NXPH1: variants seen among roughly 807,000 people sequenced by gnomAD.
NXPH1 encodes neurexophilin-1.
Under a neutral mutation model 23.7 loss-of-function variants are expected in NXPH1, and 5 were observed. That is an observed-to-expected ratio of 0.21 (90% confidence interval 0.11 to 0.44). The LOEUF is 0.44. Among genes scored for constraint, NXPH1 ranks in the 20% least tolerant of loss-of-function variants. The pLI, the probability that NXPH1 is intolerant of heterozygous loss-of-function variation, is 0.99. For missense variants in NXPH1, 324 were observed against 321.6 expected (o/e 1.01, Z -0.06); for synonymous variants, 144 against 122.2 (o/e 1.18, Z -1.18).
intron 2 of NXPH1, among the ~76,000 whole-genome samples, chr7:8,667,210 G>T (rs1011944234): frequency 5.9e-5 from 9 of 151,948 alleles, no homozygotes; most frequent in African/African-American, 2.2e-4. Flanking sequence ...ACAAGGATAT[G>T]TGATAATTAG....
intron 2 of NXPH1, among the ~76,000 whole-genome samples, chr7:8,485,406 G>A (rs185271612): frequency 2.6e-5 from 4 of 152,186 alleles, no homozygotes; most frequent in East Asian, 3.9e-4. Context: ...ACACCAAGCC[G>A]AAAACTGAAG....
Position 8,678,928 on chromosome 7 carries a change from A to ATTTTTTTTTTTTTTTTTT in NXPH1, c.55-72062_55-72045dup, listed in dbSNP as rs540056222. Among the ~76,000 whole-genome samples, 427 of 68,804 alleles carry ATTTTTTTTTTTTTTTTTT rather than the reference A, an allele frequency of 6.2e-3. 43 individuals are homozygous for ATTTTTTTTTTTTTTTTTT. Among genetic ancestry groups the ATTTTTTTTTTTTTTTTTT allele is most frequent in the Non-Finnish European group, 7.4e-3 (296 of 40,014 alleles). The allele number at this position is 68,804 out of a possible 152,430, so 45.1% of individuals were successfully genotyped here. A position where few individuals can be genotyped will look rare whatever the true frequency, so the allele number is the denominator to read the frequency against. ...TCTAGATTTATCTTTGCTTTATCCA[A>ATTTTTTTTTTTTTTTTTT]TTTTTTTTTTTTTTTTTTTTTTTTT... On this transcript the variant is annotated intron_variant, in intron 2 of 2. Transcript: ENST00000405863.
chr7:8,614,738 A>G (rs1270284737), intron 2 of NXPH1, among the ~76,000 whole-genome samples: 1 of 152,014 alleles, frequency 6.6e-6, no homozygotes, highest in African/African-American at 2.4e-5. Flanking sequence ...TCTATGTTTG[A>G]TTATGCAGCT....
chr7:8,609,483 G>T lies in NXPH1; in HGVS notation c.55-141525G>T, dbSNP rs1311929644. Among the ~76,000 whole-genome samples, 4 of 152,172 alleles carry T rather than the reference G, an allele frequency of 2.6e-5. No individual in the cohort carries two copies. The East Asian group carries it at 7.7e-4, about 29-fold the overall frequency. Reference sequence around the variant, plus strand: ...AGCTGGTATTATGCAAATGGATCTTGTGAGAGGAAATGAACTCAGAACTGA... The same window carrying T: ...AGCTGGTATTATGCAAATGGATCTTTTGAGAGGAAATGAACTCAGAACTGA... On this transcript the variant is annotated intron_variant, in intron 2 of 2. Coordinates refer to ENST00000405863, the MANE Select transcript of NXPH1 (RefSeq NM_152745.3).
At position 8,751,099 on chromosome 7, in the gene NXPH1, G is replaced by A; in HGVS notation, c.146G>A (p.Ser49Asn). Residue 49 changes from serine (S) to asparagine (N), a missense_variant, in exon 3 of 3, where the codon AGC becomes AAC. Physicochemically the swap from Ser to Asn is conservative, Grantham distance 46 (BLOSUM62 1). Coordinates refer to ENST00000405863, the MANE Select transcript of NXPH1 (RefSeq NM_152745.3). The surrounding 1 kb of genome is among the most constrained non-coding windows in gnomAD (Gnocchi z 4.5). Reference sequence around the variant, plus strand: ...ACACTAAAGCACATATGGACAGAAAGCAGCAAAGACTTGTCTATCAGCCGA... The same window carrying A: ...ACACTAAAGCACATATGGACAGAAAACAGCAAAGACTTGTCTATCAGCCGA... The part of the protein sequence containing the change: ...KSTLKHIWTE[S>N]SKDLSISRLL... 1 of 1,613,850 alleles carries A rather than the reference G, an allele frequency of 6.2e-7. No individual in the cohort carries two copies.
At chr7:8,651,601 G>C (rs1820493528) in intron 2 of NXPH1, among the ~76,000 whole-genome samples, 1 of 152,070 alleles carries the variant, frequency 6.6e-6, no homozygotes, top group Admixed American at 6.6e-5. Flanking sequence ...GTGTAAAAGT[G>C]TTCCTATAAT....
At chr7:8,564,069 T>C (rs1241687816) in intron 2 of NXPH1, among the ~76,000 whole-genome samples, 1 of 151,728 alleles carries the variant, frequency 6.6e-6, no homozygotes, top group Non-Finnish European at 1.5e-5. Context: ...CCACCTCCAA[T>C]CCTTCCTCTT....
rs80043703 is a variant in NXPH1, at chr7:8,435,586, A to G, written c.-110-18A>G. On this transcript the variant is annotated intron_variant, in intron 1 of 2. Coordinates refer to ENST00000405863, the MANE Select transcript of NXPH1 (RefSeq NM_152745.3). The surrounding 1 kb of genome is among the most constrained non-coding windows in gnomAD (Gnocchi z 5.9). ...TTGCCCGCGTAGTCATGGGATGTCTAATTTTATTTGCATCTAGGCTGCTGA... is the reference window on the plus strand; with the variant it reads ...TTGCCCGCGTAGTCATGGGATGTCTGATTTTATTTGCATCTAGGCTGCTGA... 0.022 allele frequency: 18,392 copies of G among 835,748 alleles called. 536 individuals carry two copies. Among genetic ancestry groups the G allele is most frequent in the Admixed American group, 0.11 (6,045 of 53,402 alleles). 51.8% of individuals were successfully genotyped at this position (835,748 alleles called of 1,614,324 possible).
rs1446603118 is a variant in NXPH1, at chr7:8,752,504, G to C, written c.*735G>C. Reference sequence around the variant, plus strand: ...TAACAACTTTCATCACCAATCATTGGACTTTTGTGAAGTTGACACCAGCTA... The same window carrying C: ...TAACAACTTTCATCACCAATCATTGCACTTTTGTGAAGTTGACACCAGCTA... On this transcript the variant is annotated 3_prime_UTR_variant, in exon 3 of 3. Transcript: ENST00000405863. 1 of 152,518 alleles carries C rather than the reference G, an allele frequency of 6.6e-6. No individual in the cohort carries two copies. Among genetic ancestry groups the C allele is most frequent in the Admixed American group, 6.6e-5 (1 of 15,258 alleles). 9.4% of individuals were successfully genotyped at this position (152,518 alleles called of 1,614,324 possible). A position where few individuals can be genotyped will look rare whatever the true frequency, so the allele number is the denominator to read the frequency against.
chr7:8,735,463 A>G (rs1780232923), intron 2 of NXPH1, among the ~76,000 whole-genome samples: 1 of 152,240 alleles, frequency 6.6e-6, no homozygotes. Flanking sequence ...ATGTTGAACC[A>G]GCCTTGCATC....
At chr7:8,556,480 T>C (rs1204088123) in intron 2 of NXPH1, among the ~76,000 whole-genome samples, 1 of 151,692 alleles carries the variant, frequency 6.6e-6, no homozygotes, top group Admixed American at 6.6e-5. Context: ...TTTCTCTTCA[T>C]GTGGGCCCCT....
chr7:8,721,613 A>C (rs988971054), intron 2 of NXPH1, among the ~76,000 whole-genome samples: 1 of 151,962 alleles, frequency 6.6e-6, no homozygotes, highest in African/African-American at 2.4e-5. Flanking sequence ...GTCTCCACTT[A>C]AAAAAATACA....
intron 2 of NXPH1, among the ~76,000 whole-genome samples, chr7:8,625,556 C>G (rs1819969288): frequency 6.6e-6 from 1 of 152,128 alleles, no homozygotes; most frequent in Non-Finnish European, 1.5e-5. Flanking sequence ...AACACAGTCT[C>G]AAGTAGACTA....
intron 2 of NXPH1, among the ~76,000 whole-genome samples, chr7:8,436,099 G>C (rs1012366690): frequency 6.6e-6 from 1 of 152,192 alleles, no homozygotes. Flanking sequence ...GGAACTCTCA[G>C]TAGCTCATGC....
chr7:8,682,789 G>C (rs1821077470), intron 2 of NXPH1, among the ~76,000 whole-genome samples: 1 of 152,186 alleles, frequency 6.6e-6, no homozygotes, highest in Non-Finnish European at 1.5e-5. Flanking sequence ...TGCAGTACAA[G>C]ATATGCCATT....
intron 2 of NXPH1, among the ~76,000 whole-genome samples, chr7:8,685,799 G>T (rs950414488): frequency 2.1e-4 from 31 of 149,622 alleles, no homozygotes; most frequent in African/African-American, 7.7e-4. Context: ...ATGGCGGGGG[G>T]AAGTGGGGAT....
At chr7:8,470,877 T>C (rs1027978987) in intron 2 of NXPH1, among the ~76,000 whole-genome samples, 1 of 152,178 alleles carries the variant, frequency 6.6e-6, no homozygotes, top group Non-Finnish European at 1.5e-5. Flanking sequence ...TTGATTTTTT[T>C]TTTTAAGAAG....
chr7:8,552,126 A>C (rs1292084613), intron 2 of NXPH1, among the ~76,000 whole-genome samples: 8 of 148,908 alleles, frequency 5.4e-5, no homozygotes, highest in Admixed American at 4.7e-4. Flanking sequence ...AAAAAAAAAA[A>C]AAAAAAAAAA....
chr7:8,744,594 C>T (rs945300718), intron 2 of NXPH1, among the ~76,000 whole-genome samples: 1 of 152,134 alleles, frequency 6.6e-6, no homozygotes, highest in Non-Finnish European at 1.5e-5. Context: ...TCAACATCAC[C>T]ATCCCTCTCA....
Sources: gnomAD v4.1 joint callset for allele counts (sites outside exome capture counted in the v4.1 genomes callset) on GRCh38, gnomAD v4.1.1 for gene constraint, Gnocchi (gnomAD v3.1) non-coding constraint, MANE v1.5 for transcripts, NCBI Gene and HGNC (gene_info 2026-07-23, HGNC 2026-07-21) for gene names.